The following NR3C2 variants were observed in gnomAD, a reference collection of about 807,000 sequenced individuals.
NR3C2 encodes the protein mineralocorticoid receptor.
A neutral mutation model predicts 86.4 loss-of-function variants in NR3C2; 15 were observed. The observed-to-expected ratio is 0.17, with a 90% CI of 0.12 to 0.27. The LOEUF is 0.27. Ranked by LOEUF, NR3C2 falls within the 10% of genes least tolerant of loss-of-function variation. The pLI is 1.00. For synonymous variants in NR3C2, 458 were observed against 450.5 expected, an observed-to-expected ratio of 1.02 and a Z score of -0.21; for missense variants, 960 against 1,195.6, an observed-to-expected ratio of 0.80 and a Z score of 2.91.
intron 2 of NR3C2, among the ~76,000 whole-genome samples, chr4:148,357,539 A>G (rs568839835): frequency 9.2e-5 from 14 of 152,282 alleles, no homozygotes; most frequent in East Asian, 3.9e-4. Flanking sequence ...TTATGCAAAT[A>G]TAATGCTACA....
Position 148,182,349 on chromosome 4 carries a change from GA to G in NR3C2, c.2014+12396del, listed in dbSNP as rs1180072948. ...CAAGACTTCGAAATAAATCATAAAAGAAAAAAAATTACAATGTACACAACTG... is the reference window on the plus strand; with the variant it reads ...CAAGACTTCGAAATAAATCATAAAAGAAAAAAATTACAATGTACACAACTG... On this transcript the variant is annotated intron_variant, in intron 4 of 8. Coordinates refer to ENST00000358102, the MANE Select transcript of NR3C2 (RefSeq NM_000901.5). Among the ~76,000 whole-genome samples the G allele has an allele frequency of 5.3e-5, 8 of 151,624 alleles. No homozygotes were observed. In the South Asian group the frequency reaches 1.2e-3, roughly 24 times the overall value.
intron 1 of NR3C2, 95 bp from the exon 2 acceptor site, chr4:148,436,957 T>C (rs1750112213): frequency 3.1e-6 from 3 of 962,406 alleles, no homozygotes; most frequent in Middle Eastern, 3.0e-4. Flanking sequence ...CCACAAAACA[T>C]ATTCTACTTA....
At chr4:148,158,664 T>G (rs929137850) in intron 4 of NR3C2, among the ~76,000 whole-genome samples, 5 of 152,230 alleles carry the variant, frequency 3.3e-5, no homozygotes, top group Non-Finnish European at 5.9e-5. Flanking sequence ...AAAAGTGACT[T>G]TTTTTGCAAA....
intron 2 of NR3C2, among the ~76,000 whole-genome samples, chr4:148,304,779 T>C (rs1442555964): frequency 6.6e-6 from 1 of 152,100 alleles, no homozygotes. Flanking sequence ...ACTGGGAGAA[T>C]GCGGTGGAGC....
At chr4:148,258,836 G>A (rs1739953175) in intron 3 of NR3C2, among the ~76,000 whole-genome samples, 1 of 152,186 alleles carries the variant, frequency 6.6e-6, no homozygotes, top group Non-Finnish European at 1.5e-5. Context: ...TTCCATCGGT[G>A]CTTAAGCCAG....
chr4:148,278,564 C>T (rs1301798120), intron 2 of NR3C2, among the ~76,000 whole-genome samples: 2 of 152,028 alleles, frequency 1.3e-5, no homozygotes, highest in African/African-American at 2.4e-5. Context: ...AATAAATACA[C>T]GTGCGTGCGC....
chr4:148,188,970 C>T (rs1232169932), intron 4 of NR3C2, among the ~76,000 whole-genome samples: 1 of 150,106 alleles, frequency 6.7e-6, no homozygotes, highest in Non-Finnish European at 1.5e-5. Flanking sequence ...CCTTGCTACC[C>T]AGGCTGGAGT....
intron 2 of NR3C2, among the ~76,000 whole-genome samples, chr4:148,287,936 T>C (rs1160805469): frequency 2.0e-5 from 3 of 152,186 alleles, no homozygotes; most frequent in East Asian, 3.8e-4. Flanking sequence ...AAAACACTTA[T>C]ATCAAACTTA....
intron 3 of NR3C2, among the ~76,000 whole-genome samples, chr4:148,239,832 T>C (rs1361635748): frequency 6.6e-6 from 1 of 152,214 alleles, no homozygotes; most frequent in Non-Finnish European, 1.5e-5. Context: ...TCGAAGTTTT[T>C]GTGGACACAT....
At chr4:148,235,866 T>C (rs1050913940) in intron 3 of NR3C2, among the ~76,000 whole-genome samples, 1 of 152,236 alleles carries the variant, frequency 6.6e-6, no homozygotes, top group Admixed American at 6.5e-5. Flanking sequence ...ACAAAAAAAT[T>C]TATCAGCAAC....
intron 3 of NR3C2, among the ~76,000 whole-genome samples, chr4:148,195,341 T>TA (rs1367244592): frequency 8.5e-5 from 13 of 152,054 alleles, no homozygotes; most frequent in Admixed American, 2.0e-4. Flanking sequence ...AATATGGAAC[T>TA]AAAAAAAATC....
intron 1 of NR3C2, among the ~76,000 whole-genome samples, chr4:148,440,553 C>A (rs1186084177): frequency 6.6e-6 from 1 of 152,198 alleles, no homozygotes; most frequent in Non-Finnish European, 1.5e-5. Flanking sequence ...GGAAACCATA[C>A]CAAAGATTCT....
intron 6 of NR3C2, among the ~76,000 whole-genome samples, chr4:148,147,987 ACTAC>A (rs768816575): frequency 9.9e-5 from 15 of 151,122 alleles, no homozygotes; most frequent in Non-Finnish European, 1.6e-4. Context: ...TCCTTTAACT[ACTAC>A]CTCCAAAACG....
At chr4:148,299,465 C>A (rs1437651118) in intron 2 of NR3C2, among the ~76,000 whole-genome samples, 1 of 152,164 alleles carries the variant, frequency 6.6e-6, no homozygotes, top group Non-Finnish European at 1.5e-5. Flanking sequence ...CACCACCTCA[C>A]CCAACAGCCA....
At chr4:148,215,121 A>C (rs556341701) in intron 3 of NR3C2, among the ~76,000 whole-genome samples, 2 of 152,304 alleles carry the variant, frequency 1.3e-5, no homozygotes, top group Admixed American at 1.3e-4. Flanking sequence ...CAAATCCTGG[A>C]AGCTGGCATT....
intron 8 of NR3C2, among the ~76,000 whole-genome samples, chr4:148,087,828 A>G (rs779691650): frequency 2.0e-5 from 3 of 152,240 alleles, no homozygotes; most frequent in Non-Finnish European, 4.4e-5. Flanking sequence ...TCATGACTAA[A>G]ACACCAAAAG....
In NR3C2 at chr4:148,185,616, G is replaced by A. The variant is rs6846848; in HGVS notation, c.2014+9130C>T. Among the ~76,000 whole-genome samples the A allele has an allele frequency of 7.1e-3, 1,072 of 152,018 alleles. 12 individuals carry two copies. The highest frequency in any genetic ancestry group is 0.017 in the African/African-American group (692 of 41,438). On this transcript the variant is annotated intron_variant, in intron 4 of 8. Transcript: ENST00000358102. ...ACAGTGACAATTAGTTTTCCTTATC[G>A]CATCTTCTAGCTACCCAAGTCCTCT...
chr4:148,264,271 CAT>C (rs1579081622), intron 2 of NR3C2, among the ~76,000 whole-genome samples: 1 of 152,192 alleles, frequency 6.6e-6, no homozygotes, highest in Non-Finnish European at 1.5e-5. Context: ...GACACACTAT[CAT>C]GTGGTTATCT....
At chr4:148,318,138 T>C (rs890581006) in intron 2 of NR3C2, among the ~76,000 whole-genome samples, 14 of 151,670 alleles carry the variant, frequency 9.2e-5, no homozygotes, top group African/African-American at 3.4e-4. Flanking sequence ...TGGTTTTTTG[T>C]TCTTGCCATA....
Sources: allele counts gnomAD v4.1 joint callset (sites outside exome capture counted in the v4.1 genomes callset), GRCh38; gene constraint gnomAD v4.1.1; transcripts MANE v1.5; gene names NCBI Gene and HGNC (gene_info 2026-07-23, HGNC 2026-07-21).